The following RNF220 variants were observed in gnomAD, a reference collection of about 807,000 sequenced individuals.
RNF220 encodes E3 ubiquitin-protein ligase RNF220.
In RNF220, 7 loss-of-function variants were observed where a neutral mutation model predicts 67.1. The ratio of observed to expected loss-of-function variants is 0.10; its 90% CI spans 0.06 to 0.20. The LOEUF (loss-of-function observed/expected upper bound fraction) is 0.20. Among genes scored for constraint, RNF220 ranks in the 10% least tolerant of loss-of-function variants. The probability of loss-of-function intolerance (pLI) is 1.00; values close to 1 mark genes in which losing one functional copy is unlikely to be tolerated. For synonymous variants in RNF220, 270 were observed against 283.2 expected (o/e 0.95, Z 0.47); for missense variants, 565 against 740.3 (o/e 0.76, Z 2.75).
intron 2 of RNF220, among the ~76,000 whole-genome samples, chr1:44,563,274 C>T (rs1290547825): frequency 6.6e-6 from 1 of 151,466 alleles, no homozygotes; most frequent in African/African-American, 2.4e-5. Flanking sequence ...TGAGCCTCCT[C>T]TAACTGGTCT....
chr1:44,649,441 G>A lies in RNF220; in HGVS notation c.1446-220G>A. 1 of 586,668 alleles carries A rather than the reference G, an allele frequency of 1.7e-6. No homozygotes were observed. The highest frequency in any genetic ancestry group is 2.0e-5 in the South Asian group (1 of 49,702). 36.3% of individuals were successfully genotyped at this position (586,668 alleles called of 1,614,324 possible). On this transcript the variant is annotated intron_variant, in intron 12 of 14. Transcript: ENST00000361799. This position sits in a 1 kb window ranked among gnomAD's most constrained non-coding sequence, Gnocchi z 5.9. ...GGTTGAAAATGGTTCCCTGGTATCT[G>A]GTGTAGAAATTCATCCGAATGGGAA...
intron 2 of RNF220, among the ~76,000 whole-genome samples, chr1:44,523,301 C>A (rs530388556): frequency 2.6e-5 from 4 of 152,148 alleles, no homozygotes; most frequent in Non-Finnish European, 5.9e-5. Flanking sequence ...CAGGCTGCCC[C>A]GGGGAAGGGT....
At chr1:44,501,069 G>T (rs983913650) in intron 2 of RNF220, among the ~76,000 whole-genome samples, 2 of 150,626 alleles carry the variant, frequency 1.3e-5, no homozygotes, top group African/African-American at 2.4e-5. Flanking sequence ...TGGGGGTGGG[G>T]GTATCGGGAG....
intron 2 of RNF220, among the ~76,000 whole-genome samples, chr1:44,582,834 G>A (rs1665405720): frequency 6.6e-6 from 1 of 151,296 alleles, no homozygotes; most frequent in South Asian, 2.1e-4. Context: ...GATCAGCCTG[G>A]CCAACATAGT....
At chr1:44,406,620 G>A (rs113381768) in intron 1 of RNF220, among the ~76,000 whole-genome samples, 1 of 152,202 alleles carries the variant, frequency 6.6e-6, no homozygotes, top group Admixed American at 6.5e-5. Flanking sequence ...AGCCCGGGCC[G>A]AGCGACCTTC....
At chr1:44,427,528 G>A (rs1649915989) in intron 2 of RNF220, among the ~76,000 whole-genome samples, 1 of 152,200 alleles carries the variant, frequency 6.6e-6, no homozygotes. Flanking sequence ...CTAGTACCCA[G>A]TGCGTTGCCT....
chr1:44,532,406 C>T (rs1222259416), intron 2 of RNF220, among the ~76,000 whole-genome samples: 2 of 152,158 alleles, frequency 1.3e-5, no homozygotes, highest in Non-Finnish European at 2.9e-5. Context: ...CTTACTTCTA[C>T]TATTTATTGA....
rs537761702 is a variant in RNF220, at chr1:44,506,955, C to T, written c.625+94233C>T. ...GGAGTCTCAAATAACCCATCATGCCCTCAGGCCAAAGGCCAATGACTATTT... is the reference window on the plus strand; with the variant it reads ...GGAGTCTCAAATAACCCATCATGCCTTCAGGCCAAAGGCCAATGACTATTT... On this transcript the variant is annotated intron_variant, in intron 2 of 14. Coordinates refer to ENST00000361799, the MANE Select transcript of RNF220 (RefSeq NM_018150.4). Among the ~76,000 whole-genome samples the T allele has an allele frequency of 7.0e-4, 106 of 152,308 alleles. 1 individual carries two copies. The highest frequency in any genetic ancestry group is 1.0e-4 in the Non-Finnish European group (7 of 68,032).
chr1:44,644,426 C>T (rs560119769), intron 8 of RNF220: 8 of 385,120 alleles, frequency 2.1e-5, no homozygotes, highest in South Asian at 9.2e-5. Flanking sequence ...TGAGTGTCCC[C>T]GAGGACGTGA....
In RNF220 at chr1:44,650,613, G is replaced by A. The variant is rs1399034117; in HGVS notation, c.1630-91G>A. On this transcript the variant is annotated intron_variant, in intron 14 of 14. Transcript: ENST00000361799. The surrounding 1 kb of genome is among the most constrained non-coding windows in gnomAD (Gnocchi z 4.3). ...CAGGACCAAGGTCTCAGCACACACT[G>A]GTGCAGAGAGACATGGCTGCAGGCC... 4 of 1,358,304 alleles carry A rather than the reference G, an allele frequency of 2.9e-6. No homozygotes were observed. The highest frequency in any genetic ancestry group is 3.1e-6 in the Non-Finnish European group (3 of 955,676). The allele number at this position is 1,358,304 out of a possible 1,614,324, so 84.1% of individuals were successfully genotyped here. A position where few individuals can be genotyped will look rare whatever the true frequency, so the allele number is the denominator to read the frequency against.
At chr1:44,493,418 G>A (rs1346275373) in intron 2 of RNF220, among the ~76,000 whole-genome samples, 2 of 152,140 alleles carry the variant, frequency 1.3e-5, no homozygotes, top group Non-Finnish European at 2.9e-5. Context: ...GGAGGTTGAG[G>A]CAGGAGAATC....
chr1:44,642,976 C>T (rs943188832), intron 8 of RNF220, among the ~76,000 whole-genome samples: 1 of 152,210 alleles, frequency 6.6e-6, no homozygotes, highest in Non-Finnish European at 1.5e-5. Flanking sequence ...GCCACTCACC[C>T]ACAAGGCGGG....
chr1:44,596,637 AAAAT>A (rs1458621776), intron 2 of RNF220, among the ~76,000 whole-genome samples: 7 of 152,184 alleles, frequency 4.6e-5, no homozygotes, highest in South Asian at 2.1e-4. Context: ...AGTCACAAAA[AAAAT>A]AAATAAAGGA....
chr1:44,498,875 C>T (rs1170035372), intron 2 of RNF220, among the ~76,000 whole-genome samples: 1 of 152,192 alleles, frequency 6.6e-6, no homozygotes, highest in Non-Finnish European at 1.5e-5. Flanking sequence ...TTTTCAATAT[C>T]CTGCTCATTT....
At chr1:44,554,704 T>G (rs1251051678) in intron 2 of RNF220, among the ~76,000 whole-genome samples, 2 of 152,124 alleles carry the variant, frequency 1.3e-5, no homozygotes, top group African/African-American at 4.8e-5. Flanking sequence ...AGCAGTTCCT[T>G]GCATGCAGCC....
intron 2 of RNF220, among the ~76,000 whole-genome samples, chr1:44,576,315 A>G (rs1220443345): frequency 2.0e-5 from 3 of 152,238 alleles, no homozygotes; most frequent in African/African-American, 7.2e-5. Context: ...TTGTTGGTGA[A>G]CTTTGTTGTC....
At chr1:44,509,884 C>CGAAAAA (rs1557996558) in intron 2 of RNF220, among the ~76,000 whole-genome samples, 1 of 80,408 alleles carries the variant, frequency 1.2e-5, no homozygotes, top group East Asian at 3.4e-4. Context: ...GAGACCCTGT[C>CGAAAAA]CAAAAAAAAA....
chr1:44,605,853 A>G (rs1667238659), intron 2 of RNF220, among the ~76,000 whole-genome samples: 1 of 152,192 alleles, frequency 6.6e-6, no homozygotes, highest in Non-Finnish European at 1.5e-5. Context: ...TTGGGTTCCA[A>G]GTGACTCTGG....
intron 2 of RNF220, among the ~76,000 whole-genome samples, chr1:44,508,777 C>T (rs1168932795): frequency 2.0e-5 from 3 of 152,182 alleles, no homozygotes; most frequent in Non-Finnish European, 2.9e-5. Flanking sequence ...TTCTTTAGAC[C>T]CTCGTGGTGG....
Sources: allele counts gnomAD v4.1 joint callset (sites outside exome capture counted in the v4.1 genomes callset), GRCh38; gene constraint gnomAD v4.1.1; non-coding constraint Gnocchi (gnomAD v3.1); transcripts MANE v1.5; gene names NCBI Gene and HGNC (gene_info 2026-07-23, HGNC 2026-07-21).